The following TM9SF3 variants were observed in gnomAD, a reference collection of about 807,000 sequenced individuals.
TM9SF3 encodes the protein transmembrane 9 superfamily member 3, also known as SM-11044-binding protein.
A neutral mutation model predicts 78.6 loss-of-function variants in TM9SF3; 14 were observed. The observed-to-expected ratio is 0.18, with a 90% CI of 0.12 to 0.28. TM9SF3 has a LOEUF of 0.28. TM9SF3 is among the 10% of genes least tolerant of loss of function. The probability of loss-of-function intolerance (pLI) is 1.00; values close to 1 mark genes in which losing one functional copy is unlikely to be tolerated. For synonymous variants in TM9SF3, 231 were observed against 241.7 expected, an observed-to-expected ratio of 0.96 and a Z score of 0.41; for missense variants, 496 against 721.9, an observed-to-expected ratio of 0.69 and a Z score of 3.59.
rs1848078278 is a variant in TM9SF3 at position 96,544,869 on chromosome 10, GAGTT to G, written c.1055-667_1055-664del. Among the ~76,000 whole-genome samples the G allele has an allele frequency of 4.0e-5, 6 of 151,800 alleles. No homozygotes were observed. The South Asian group carries it at 1.2e-3, about 32-fold the overall frequency. On this transcript the variant is annotated intron_variant, in intron 8 of 14. Coordinates refer to ENST00000371142, the MANE Select transcript of TM9SF3 (RefSeq NM_020123.4). ...GAAATAATAAAAAACAAAAAACCCTGAGTTAGACAGCCTCTAAGTTTGTCCTTAG... is the reference window on the plus strand; with the variant it reads ...GAAATAATAAAAAACAAAAAACCCTGAGACAGCCTCTAAGTTTGTCCTTAG...
At chr10:96,581,063 CTT>C (rs1205450787) in intron 1 of TM9SF3, among the ~76,000 whole-genome samples, 1 of 152,170 alleles carries the variant, frequency 6.6e-6, no homozygotes, top group Non-Finnish European at 1.5e-5. Flanking sequence ...CACTGAATAA[CTT>C]TTCTATGTGA....
intron 6 of TM9SF3, among the ~76,000 whole-genome samples, chr10:96,551,813 C>A (rs1848173576): frequency 6.6e-6 from 1 of 152,094 alleles, no homozygotes; most frequent in Non-Finnish European, 1.5e-5. Flanking sequence ...AGTATCAAAA[C>A]CAGTACTAGA....
At chr10:96,576,578 T>C in intron 2 of TM9SF3, 56 bp downstream of exon 2, 1 of 1,473,546 alleles carries the variant, frequency 6.8e-7, no homozygotes, top group Middle Eastern at 1.8e-4. Flanking sequence ...TGCCAAAATA[T>C]GAAACCCTTG....
rs908144401 is a variant in TM9SF3, at chr10:96,519,228, A to G, written c.*3035T>C. 1.3e-5 allele frequency: 2 copies of G among 152,078 alleles called. No homozygotes were observed. The highest frequency in any genetic ancestry group is 4.8e-5 in the African/African-American group (2 of 41,458). 9.4% of individuals were successfully genotyped at this position (152,078 alleles called of 1,614,324 possible). A position where few individuals can be genotyped will look rare whatever the true frequency, so the allele number is the denominator to read the frequency against. ...CAAAATGGATATGACTTGTGAATAA[A>G]CCCTAAATAAAGTGGCTTTTGGAAG... On this transcript the variant is annotated 3_prime_UTR_variant, in exon 15 of 15. Coordinates refer to ENST00000371142, the MANE Select transcript of TM9SF3 (RefSeq NM_020123.4).
At chr10:96,567,710 A>G (rs1473231842) in intron 2 of TM9SF3, among the ~76,000 whole-genome samples, 1 of 152,166 alleles carries the variant, frequency 6.6e-6, no homozygotes, top group Non-Finnish European at 1.5e-5. Context: ...TTGCTCCTCA[A>G]AAACACCATT....
chr10:96,565,510 CA>C, intron 2 of TM9SF3, 84 bp from the exon 3 acceptor site: 1 of 1,428,622 alleles, frequency 7.0e-7, no homozygotes, highest in Admixed American at 2.8e-5. Flanking sequence ...AAAAAGCCAA[CA>C]TTTCCTACAG....
intron 9 of TM9SF3, among the ~76,000 whole-genome samples, chr10:96,539,882 C>T (rs924972702): frequency 6.6e-5 from 10 of 152,122 alleles, no homozygotes; most frequent in South Asian, 2.1e-4. Context: ...AAACTAACTA[C>T]GGGAGAGTCT....
chr10:96,543,934 C>G, intron 9 of TM9SF3, 142 bp downstream of exon 9: 1 of 766,682 alleles, frequency 1.3e-6, no homozygotes, highest in South Asian at 3.1e-5. Context: ...CAGTAGTATT[C>G]TCCTCATCTA....
At chr10:96,544,323 T>C (rs746403937) in intron 8 of TM9SF3, 117 bp from the exon 9 acceptor site, 71 of 971,618 alleles carry the variant, frequency 7.3e-5, no homozygotes, top group Middle Eastern at 6.9e-4. Context: ...TTCAAAATAA[T>C]AGCTAACAAA....
At chr10:96,556,516 T>C (rs994944903) in intron 5 of TM9SF3, among the ~76,000 whole-genome samples, 10 of 152,226 alleles carry the variant, frequency 6.6e-5, no homozygotes, top group African/African-American at 2.4e-4. Flanking sequence ...GCAATTCTTA[T>C]ACTTGTACAG....
chr10:96,563,948 G>A (rs1848340343), intron 3 of TM9SF3, among the ~76,000 whole-genome samples: 1 of 151,918 alleles, frequency 6.6e-6, no homozygotes, highest in Admixed American at 6.5e-5. Context: ...TTTAACACAG[G>A]AAAGCACAGT....
intron 2 of TM9SF3, among the ~76,000 whole-genome samples, chr10:96,572,681 C>T (rs754003555): frequency 5.9e-5 from 9 of 151,908 alleles, no homozygotes; most frequent in South Asian, 2.1e-4. Flanking sequence ...CGCCCACCAC[C>T]GTGCCCGGCG....
At chr10:96,568,983 T>A (rs984503013) in intron 2 of TM9SF3, among the ~76,000 whole-genome samples, 2 of 151,896 alleles carry the variant, frequency 1.3e-5, no homozygotes, top group Non-Finnish European at 2.9e-5. Context: ...AGCCCAGGAG[T>A]TCGAGACCAG....
intron 2 of TM9SF3, among the ~76,000 whole-genome samples, chr10:96,573,417 T>C (rs1848461081): frequency 6.6e-6 from 1 of 152,176 alleles, no homozygotes; most frequent in Admixed American, 6.5e-5. Context: ...AGGGCGAAGA[T>C]AAATCTAATC....
intron 7 of TM9SF3, 36 bp from the exon 8 acceptor site, chr10:96,548,025 A>C: frequency 2.1e-6 from 3 of 1,420,676 alleles, no homozygotes; most frequent in Non-Finnish European, 2.9e-6. Context: ...AATTAAAACC[A>C]ACAATTTAAA....
At chr10:96,557,310 T>C (rs1310453023) in intron 5 of TM9SF3, among the ~76,000 whole-genome samples, 3 of 151,954 alleles carry the variant, frequency 2.0e-5, no homozygotes, top group Non-Finnish European at 2.9e-5. Context: ...CTCCTCCAAA[T>C]ACAGCCCCAG....
At chr10:96,550,674 T>A (rs1589453624) in intron 7 of TM9SF3, among the ~76,000 whole-genome samples, 2 of 152,344 alleles carry the variant, frequency 1.3e-5, no homozygotes, top group South Asian at 4.1e-4. Context: ...AAGAATTTCT[T>A]ACAAATGGTT....
chr10:96,527,090 C>T (rs1847846788), intron 14 of TM9SF3, 123 bp downstream of exon 14: 2 of 699,718 alleles, frequency 2.9e-6, no homozygotes, highest in Non-Finnish European at 4.7e-6. Flanking sequence ...AAATCAGACT[C>T]GGGTTTATTT....
intron 9 of TM9SF3, among the ~76,000 whole-genome samples, chr10:96,536,087 G>T (rs2134134084): frequency 6.6e-6 from 1 of 152,080 alleles, no homozygotes; most frequent in South Asian, 2.1e-4. Flanking sequence ...AGAAAATGCT[G>T]TTCTAAGATC....
Sources: allele counts gnomAD v4.1 joint callset (sites outside exome capture counted in the v4.1 genomes callset), GRCh38; gene constraint gnomAD v4.1.1; transcripts MANE v1.5; gene names NCBI Gene and HGNC (gene_info 2026-07-23, HGNC 2026-07-21).